The following TRABD2B variants were observed in gnomAD, a reference collection of about 807,000 sequenced individuals.
The protein encoded by TRABD2B is TraB domain containing 2B.
In TRABD2B, 14 loss-of-function variants were observed where a neutral mutation model predicts 40.1. That is an observed-to-expected ratio of 0.35 (90% CI 0.23 to 0.55). The LOEUF (loss-of-function observed/expected upper bound fraction) is 0.55. Ranked by LOEUF, TRABD2B falls within the 20% of genes least tolerant of loss-of-function variation. The pLI is 0.90. For missense variants in TRABD2B, 541 were observed against 648.6 expected, an observed-to-expected ratio of 0.83 and a Z score of 1.80; for synonymous variants, 263 against 277.0, an observed-to-expected ratio of 0.95 and a Z score of 0.50.
intron 2 of TRABD2B, among the ~76,000 whole-genome samples, chr1:47,822,114 A>G (rs1339821203): frequency 6.6e-6 from 1 of 150,942 alleles, no homozygotes; most frequent in East Asian, 2.0e-4. Context: ...ACACAAATAG[A>G]TGCACACAGA....
At chr1:47,995,522 G>A (rs1241892475) in intron 1 of TRABD2B, among the ~76,000 whole-genome samples, 4 of 151,712 alleles carry the variant, frequency 2.6e-5, no homozygotes, top group Non-Finnish European at 5.9e-5. Context: ...GTGTGTGTGC[G>A]CGTGTGTGTG....
chr1:47,785,424 C>G (rs1644582593), intron 4 of TRABD2B, among the ~76,000 whole-genome samples: 1 of 152,222 alleles, frequency 6.6e-6, no homozygotes. Flanking sequence ...GCTTTAGCAG[C>G]CTTTACCAGC....
chr1:47,932,503 G>C (rs991914788), intron 2 of TRABD2B, among the ~76,000 whole-genome samples: 6 of 152,198 alleles, frequency 3.9e-5, no homozygotes, highest in Non-Finnish European at 5.9e-5. Context: ...TGGAGTCAAG[G>C]GAGTTGTTTC....
chr1:47,970,527 A>G (rs1645665892), intron 2 of TRABD2B, among the ~76,000 whole-genome samples: 2 of 152,106 alleles, frequency 1.3e-5, no homozygotes, highest in Non-Finnish European at 2.9e-5. Context: ...TCCATGACAT[A>G]ATTTACGGTC....
intron 2 of TRABD2B, among the ~76,000 whole-genome samples, chr1:47,950,767 C>T (rs1404763275): frequency 6.6e-6 from 1 of 152,180 alleles, no homozygotes; most frequent in Non-Finnish European, 1.5e-5. Flanking sequence ...AAAAATGTGT[C>T]CCCAAATTTT....
At chr1:47,907,177 G>A (rs1394511812) in intron 2 of TRABD2B, among the ~76,000 whole-genome samples, 1 of 152,234 alleles carries the variant, frequency 6.6e-6, no homozygotes, top group Non-Finnish European at 1.5e-5. Flanking sequence ...GCGGGCCCCA[G>A]GCTGCCTTCA....
intron 2 of TRABD2B, among the ~76,000 whole-genome samples, chr1:47,962,959 G>A (rs564190310): frequency 1.1e-4 from 17 of 152,192 alleles, no homozygotes; most frequent in Admixed American, 5.2e-4. Context: ...CTGCCCCGCC[G>A]TGAAACACAA....
intron 2 of TRABD2B, among the ~76,000 whole-genome samples, chr1:47,833,068 T>G (rs1331582777): frequency 6.6e-6 from 1 of 152,228 alleles, no homozygotes; most frequent in Non-Finnish European, 1.5e-5. Flanking sequence ...CTCCCAGGCT[T>G]GTAACCCCTT....
At chr1:47,979,287 T>C (rs1436220927) in intron 2 of TRABD2B, among the ~76,000 whole-genome samples, 3 of 152,240 alleles carry the variant, frequency 2.0e-5, no homozygotes, top group East Asian at 1.9e-4. Context: ...CCTGCATGTG[T>C]ACTCAAAGCC....
intron 2 of TRABD2B, among the ~76,000 whole-genome samples, chr1:47,828,113 G>A (rs1645200244): frequency 1.3e-5 from 2 of 152,106 alleles, no homozygotes; most frequent in African/African-American, 4.8e-5. Flanking sequence ...ACATACAAAC[G>A]GGAGCATAAG....
chr1:47,990,826 TATATATATAA>T (rs1645999349), intron 2 of TRABD2B, among the ~76,000 whole-genome samples: 1 of 84,574 alleles, frequency 1.2e-5, no homozygotes, highest in Admixed American at 1.4e-4. Context: ...TATATATATA[TATATATATAA>T]AACGTTGGTT....
chr1:47,784,913 G>T (rs540444436), intron 4 of TRABD2B, among the ~76,000 whole-genome samples: 2 of 152,224 alleles, frequency 1.3e-5, no homozygotes, highest in Non-Finnish European at 2.9e-5. Context: ...GGTATGGAGA[G>T]GGGGAGATGG....
chr1:47,778,435 A>T lies in TRABD2B; in HGVS notation c.1079+19T>A. On this transcript the variant is annotated intron_variant, in intron 5 of 6. Coordinates refer to ENST00000606738, the MANE Select transcript of TRABD2B (RefSeq NM_001194986.2). ...AGGCAGGGTCAGTGAGGGCCAAGGCACACCCAGATGTGGCTTACCTGTGTA... is the reference window on the plus strand; with the variant it reads ...AGGCAGGGTCAGTGAGGGCCAAGGCTCACCCAGATGTGGCTTACCTGTGTA... 6.5e-7 allele frequency: 1 copy of T among 1,527,326 alleles called. No individual in the cohort carries two copies. The highest frequency in any genetic ancestry group is 8.8e-7 in the Non-Finnish European group (1 of 1,138,816). The allele number at this position is 1,527,326 out of a possible 1,614,324, so 94.6% of individuals were successfully genotyped here. A position where few individuals can be genotyped will look rare whatever the true frequency, so the allele number is the denominator to read the frequency against.
chr1:47,937,642 G>GAA lies in TRABD2B; in HGVS notation c.666+56390_666+56391dup, dbSNP rs202048357. Among the ~76,000 whole-genome samples, 21 of 147,090 alleles carry GAA rather than the reference G, an allele frequency of 1.4e-4. No individual in the cohort carries two copies. In the East Asian group the frequency reaches 2.9e-3, roughly 21 times the overall value. ...TTTCTACCATTCACAGAATTTTTAG[G>GAA]AAAAAAAAAAACAAGCTTCCTGTCA... On this transcript the variant is annotated intron_variant, in intron 2 of 6. Transcript: ENST00000606738.
intron 2 of TRABD2B, among the ~76,000 whole-genome samples, chr1:47,900,638 A>G (rs547095929): frequency 1.2e-4 from 18 of 152,252 alleles, no homozygotes; most frequent in African/African-American, 4.1e-4. Flanking sequence ...CTGATGGCCA[A>G]ACCTGTTCAA....
chr1:47,961,902 A>G (rs1459222002), intron 2 of TRABD2B, among the ~76,000 whole-genome samples: 1 of 152,222 alleles, frequency 6.6e-6, no homozygotes, highest in Non-Finnish European at 1.5e-5. Context: ...TGCTATAAAG[A>G]CACATGCACA....
chr1:47,963,664 G>T (rs1195511599), intron 2 of TRABD2B, among the ~76,000 whole-genome samples: 3 of 152,050 alleles, frequency 2.0e-5, no homozygotes, highest in Non-Finnish European at 4.4e-5. Flanking sequence ...TCCTTGTGCA[G>T]TTGTTAATTC....
intron 2 of TRABD2B, among the ~76,000 whole-genome samples, chr1:47,956,112 A>G (rs984034809): frequency 2.0e-5 from 3 of 152,170 alleles, no homozygotes; most frequent in African/African-American, 7.2e-5. Flanking sequence ...CAGAACCACA[A>G]CAAGGAGGAA....
intron 2 of TRABD2B, among the ~76,000 whole-genome samples, chr1:47,961,938 C>T (rs963798567): frequency 2.0e-5 from 3 of 152,112 alleles, no homozygotes; most frequent in Non-Finnish European, 4.4e-5. Flanking sequence ...GCACTATTCA[C>T]AATAGCAAAG....
Sources: gnomAD v4.1 joint callset for allele counts (sites outside exome capture counted in the v4.1 genomes callset) on GRCh38, gnomAD v4.1.1 for gene constraint, MANE v1.5 for transcripts, NCBI Gene and HGNC (gene_info 2026-07-23, HGNC 2026-07-21) for gene names.